The following BMP8B variants were observed in gnomAD, a reference collection of about 807,000 sequenced individuals.
BMP8B encodes bone morphogenetic protein 8b.
BMP8B carries 17 observed loss-of-function variants against 30.3 expected under a neutral mutation model. That is an observed-to-expected ratio of 0.56 (90% confidence interval 0.38 to 0.84). BMP8B has a LOEUF of 0.84. Ranked by LOEUF, BMP8B falls within the 40% of genes least tolerant of loss-of-function variation. BMP8B has a pLI of 0.00. For synonymous variants in BMP8B, 131 were observed against 214.7 expected, an observed-to-expected ratio of 0.61 and a Z score of 3.41; for missense variants, 253 against 494.6, an observed-to-expected ratio of 0.51 and a Z score of 4.63.
intron 1 of BMP8B, among the ~76,000 whole-genome samples, chr1:39,776,932 G>C (rs1373421929): frequency 6.6e-6 from 1 of 152,162 alleles, no homozygotes; most frequent in Admixed American, 6.5e-5. Context: ...CTAAAATATG[G>C]GATGTCATTT....
rs147393582 is a variant in BMP8B at position 39,780,301 on chromosome 1, A to G, written c.335-5263T>C. 1.2e-3 allele frequency among the ~76,000 whole-genome samples: 188 copies of G among 152,350 alleles called. 2 individuals are homozygous for G. In the East Asian group the frequency reaches 0.028, roughly 23 times the overall value. ...TTCATCCCAGGTTATAGATGAGAGC[A>G]CTAAAGATCCCAGAAGTTAACTGAT... On this transcript the variant is annotated intron_variant, in intron 1 of 6. Coordinates refer to ENST00000372827, the MANE Select transcript of BMP8B (RefSeq NM_001720.5).
rs373108442 is a variant in BMP8B, at chr1:39,763,753, G to A, written c.907C>T (p.Arg303Trp). Residue 303 changes from arginine to tryptophan, a missense_variant, in exon 5 of 7, where the codon CGG becomes TGG. Arg to Trp is a moderately radical substitution (Grantham distance 101, BLOSUM62 -3). Around this residue, in one of 7 missense-constraint regions of BMP8B, gnomAD observed 116 missense variants for 142.3 expected, o/e 0.81. Transcript: ENST00000372827. ...TGGAAGCTGACGTAGAGCTCGTGCC[G>A]ACGGCAGACCTGCCGGCCGTGGGAG... ...HGSHGRQVCRRHELYVSFQDL... is the reference protein window; with the variant it reads ...HGSHGRQVCRWHELYVSFQDL... 121 of 1,604,034 alleles carry A rather than the reference G, an allele frequency of 7.5e-5. No individual in the cohort carries two copies. Among genetic ancestry groups the A allele is most frequent in the Admixed American group, 2.2e-4 (13 of 59,716 alleles).
chr1:39,761,666 G>T (rs1649000949), intron 6 of BMP8B, among the ~76,000 whole-genome samples: 1 of 152,046 alleles, frequency 6.6e-6, no homozygotes, highest in South Asian at 2.1e-4. Context: ...CCCTGAACCT[G>T]CCAAGCTCAC....
At chr1:39,775,895 AG>A (rs1305128445) in intron 1 of BMP8B, among the ~76,000 whole-genome samples, 1 of 151,598 alleles carries the variant, frequency 6.6e-6, no homozygotes, top group African/African-American at 2.4e-5. Context: ...CTGGCTTTGA[AG>A]GGTGGGATGG....
chr1:39,761,175 G>C (rs555513555), intron 6 of BMP8B: 2 of 153,448 alleles, frequency 1.3e-5, no homozygotes, highest in Non-Finnish European at 1.4e-5. Flanking sequence ...TGCTCCCCTC[G>C]CCACTTCTGC....
intron 1 of BMP8B, among the ~76,000 whole-genome samples, chr1:39,781,974 T>C (rs1221613930): frequency 3.3e-5 from 5 of 151,932 alleles, no homozygotes; most frequent in Non-Finnish European, 7.4e-5. Context: ...CTGACTAACA[T>C]GATGAAACCC....
At chr1:39,781,248 C>T (rs1650614803) in intron 1 of BMP8B, among the ~76,000 whole-genome samples, 1 of 152,152 alleles carries the variant, frequency 6.6e-6, no homozygotes, top group African/African-American at 2.4e-5. Flanking sequence ...GTCTTGCAGC[C>T]ATCAACTTCC....
At chr1:39,765,469 C>A (rs1198646571) in intron 3 of BMP8B, among the ~76,000 whole-genome samples, 1 of 106,840 alleles carries the variant, frequency 9.4e-6, no homozygotes, top group Middle Eastern at 3.9e-3. Context: ...TTGCAGCCTG[C>A]GGCAGTCTCA....
chr1:39,763,053 C>A (rs763543774), intron 6 of BMP8B, 39 bp downstream of exon 6: 61 of 1,606,624 alleles, frequency 3.8e-5, no homozygotes, highest in Non-Finnish European at 5.1e-5. Context: ...ACAGGGCCCC[C>A]CACCCCAGGG....
chr1:39,761,829 A>G (rs79228949), intron 6 of BMP8B, among the ~76,000 whole-genome samples: 10,153 of 152,282 alleles, frequency 0.067, 372 homozygotes, highest in Middle Eastern at 0.16. Flanking sequence ...CGTCACCTCC[A>G]CGGTTGTTTT....
At chr1:39,778,905 C>G (rs531656397) in intron 1 of BMP8B, among the ~76,000 whole-genome samples, 11 of 152,280 alleles carry the variant, frequency 7.2e-5, no homozygotes, top group Admixed American at 6.5e-4. Context: ...GGAAGAGCCC[C>G]CATCAGCAGG....
intron 1 of BMP8B, among the ~76,000 whole-genome samples, chr1:39,779,842 A>C (rs1393590238): frequency 6.6e-6 from 1 of 152,212 alleles, no homozygotes; most frequent in Non-Finnish European, 1.5e-5. Context: ...AGCAGTTTAA[A>C]ACAACAAACA....
chr1:39,766,832 G>A (rs1352939755), intron 3 of BMP8B, among the ~76,000 whole-genome samples: 1 of 151,324 alleles, frequency 6.6e-6, no homozygotes, highest in Non-Finnish European at 1.5e-5. Flanking sequence ...GAAAAGACAA[G>A]TGAGGTCACA....
In BMP8B at chr1:39,763,756, G is replaced by A. The variant is rs532537559; in HGVS notation, c.904C>T (p.Arg302Cys). The change falls in exon 5 of 7, where the codon CGT (arginine) becomes TGT (cysteine). Residue 302 changes from arginine to cysteine, a missense_variant. Transcript: ENST00000372827. ...AAGCTGACGTAGAGCTCGTGCCGAC[G>A]GCAGACCTGCCGGCCGTGGGAGCCG... ...VHGSHGRQVCRRHELYVSFQD... is the reference protein window; with the variant it reads ...VHGSHGRQVCCRHELYVSFQD... 6.9e-6 allele frequency: 11 copies of A among 1,604,232 alleles called. No homozygotes were observed. Among genetic ancestry groups the A allele is most frequent in the South Asian group, 2.2e-5 (2 of 90,686 alleles).
intron 1 of BMP8B, among the ~76,000 whole-genome samples, chr1:39,786,391 T>C (rs939212507): frequency 2.6e-5 from 4 of 152,194 alleles, no homozygotes; most frequent in Non-Finnish European, 4.4e-5. Context: ...CCTGCCCCTC[T>C]ACCAATCACA....
At position 39,788,236 on chromosome 1, in the gene BMP8B, T is replaced by C. The variant is rs755065474; in HGVS notation, c.250A>G (p.Met84Val). Reference protein sequence around the residue: ...PLFMLDLYHAMAGDDDEDGAP... With the variant: ...PLFMLDLYHAVAGDDDEDGAP... The stretch of plus-strand genomic sequence containing the variant: ...CCGTCCTCGTCGTCGTCGCCGGCCA[T>C]GGCGTGGTACAGGTCCAGCATGAAG... The change falls in exon 1 of 7, where the codon ATG (methionine) becomes GTG (valine). Residue 84 changes from methionine (M) to valine (V), a missense_variant. Physicochemically the swap from Met to Val is conservative, Grantham distance 21. Transcript: ENST00000372827. The surrounding 1 kb of genome is among the most constrained non-coding windows in gnomAD (Gnocchi z 5.8). 3.0e-5 allele frequency: 47 copies of C among 1,568,466 alleles called. No individual in the cohort carries two copies. Among genetic ancestry groups the C allele is most frequent in the Non-Finnish European group, 4.0e-5 (47 of 1,167,050 alleles).
intron 3 of BMP8B, chr1:39,769,484 T>G: frequency 1.8e-6 from 1 of 544,834 alleles, no homozygotes; most frequent in South Asian, 3.4e-5. Flanking sequence ...ACTGCAGACC[T>G]GCGCCTTGCA....
chr1:39,787,974 C>T (rs1441357208), intron 1 of BMP8B, among the ~76,000 whole-genome samples, 178 bp downstream of exon 1: 1 of 152,192 alleles, frequency 6.6e-6, no homozygotes, highest in Non-Finnish European at 1.5e-5. Flanking sequence ...ACCCCGCAGC[C>T]CAGGGGGCCC....
At chr1:39,762,837 C>T (rs970032321) in intron 6 of BMP8B, among the ~76,000 whole-genome samples, 7 of 152,234 alleles carry the variant, frequency 4.6e-5, no homozygotes, top group Non-Finnish European at 1.0e-4. Flanking sequence ...GGAGTTTGTT[C>T]GGTGCATAGA....
Sources: allele counts gnomAD v4.1 joint callset (sites outside exome capture counted in the v4.1 genomes callset), GRCh38; gene constraint gnomAD v4.1.1; regional missense constraint gnomAD v4.1.1; non-coding constraint Gnocchi (gnomAD v3.1); transcripts MANE v1.5; gene names NCBI Gene and HGNC (gene_info 2026-07-23, HGNC 2026-07-21).